Variants in ANKFN1 observed in about 807,000 individuals in gnomAD.
ANKFN1 encodes the protein ankyrin repeat and fibronectin type-III domain-containing protein 1.
ANKFN1 carries 74 observed loss-of-function variants against 108.7 expected under a neutral mutation model. That is an observed-to-expected ratio of 0.68 (90% CI 0.56 to 0.83). The LOEUF is 0.83. Ranked by LOEUF, ANKFN1 falls within the 40% of genes least tolerant of loss-of-function variation. ANKFN1 has a pLI of 0.00. For missense variants in ANKFN1, 1,505 were observed against 1,382.3 expected, an observed-to-expected ratio of 1.09 and a Z score of -1.41; for synonymous variants, 547 against 516.2, an observed-to-expected ratio of 1.06 and a Z score of -0.81.
chr17:56,072,902 T>C (rs1780735241), intron 4 of ANKFN1, among the ~76,000 whole-genome samples: 1 of 152,222 alleles, frequency 6.6e-6, no homozygotes, highest in Non-Finnish European at 1.5e-5. Flanking sequence ...AAATGTATCC[T>C]GGCCAGGACC....
chr17:56,193,575 C>T lies in ANKFN1; in HGVS notation c.-70-19023C>T, dbSNP rs144576056. ...GTAAAAGTGCATAATTTATTTGTAG[C>T]GTTTTAAAAAAAAAAAAAAGAATCT... On this transcript the variant is annotated intron_variant, in intron 1 of 20. Transcript: ENST00000682825. 8.8e-3 allele frequency among the ~76,000 whole-genome samples: 1,298 copies of T among 147,982 alleles called. 8 individuals carry two copies. Among genetic ancestry groups the T allele is most frequent in the Non-Finnish European group, 0.015 (982 of 67,352 alleles).
intron 8 of ANKFN1, among the ~76,000 whole-genome samples, chr17:56,438,710 C>T (rs568436529): frequency 1.8e-4 from 27 of 152,168 alleles, no homozygotes; most frequent in Middle Eastern, 6.8e-3. Context: ...TAGGAGCATG[C>T]CACCACTCGG....
intron 3 of ANKFN1, among the ~76,000 whole-genome samples, chr17:56,302,371 A>G (rs890107154): frequency 1.3e-4 from 20 of 152,008 alleles, no homozygotes; most frequent in African/African-American, 3.9e-4. Flanking sequence ...CAAAAAATTA[A>G]AAACTTAGCC....
At chr17:56,388,547 CTATTTT>C (rs2047340250) in intron 8 of ANKFN1, among the ~76,000 whole-genome samples, 1 of 152,164 alleles carries the variant, frequency 6.6e-6, no homozygotes, top group Non-Finnish European at 1.5e-5. Flanking sequence ...AGCTATATTT[CTATTTT>C]TAATTGCCAA....
chr17:56,335,515 CTGTT>C (rs1567922802), intron 4 of ANKFN1, among the ~76,000 whole-genome samples: 1 of 151,892 alleles, frequency 6.6e-6, no homozygotes, highest in East Asian at 1.9e-4. Context: ...ATTTGGCTCT[CTGTT>C]TGTTATTGGT....
At chr17:56,468,132 TC>T (rs1212038201) in intron 15 of ANKFN1, among the ~76,000 whole-genome samples, 1 of 152,232 alleles carries the variant, frequency 6.6e-6, no homozygotes, top group Non-Finnish European at 1.5e-5. Flanking sequence ...AGGCTTCAGT[TC>T]AGATCTTCTG....
chr17:56,502,869 G>A (rs991647258), intron 20 of ANKFN1, among the ~76,000 whole-genome samples: 1 of 152,266 alleles, frequency 6.6e-6, no homozygotes. Context: ...ATCTTGAATT[G>A]GTTTGTGTAT....
At chr17:56,324,903 C>A (rs1010572636) in intron 3 of ANKFN1, among the ~76,000 whole-genome samples, 2 of 152,236 alleles carry the variant, frequency 1.3e-5, no homozygotes, top group Non-Finnish European at 2.9e-5. Context: ...CAGATCGGAA[C>A]TCCAGAACAG....
At chr17:56,051,902 G>C (rs1904783042) in intron 4 of ANKFN1, among the ~76,000 whole-genome samples, 2 of 150,376 alleles carry the variant, frequency 1.3e-5, no homozygotes, top group African/African-American at 4.9e-5. Context: ...ACAAACCACT[G>C]CTCAAAGAAA....
At chr17:56,373,701 A>G (rs1020765808) in intron 7 of ANKFN1, among the ~76,000 whole-genome samples, 20 of 152,224 alleles carry the variant, frequency 1.3e-4, no homozygotes, top group African/African-American at 4.8e-4. Flanking sequence ...CTTGGAGCAA[A>G]TAACTTAGCA....
intron 4 of ANKFN1, among the ~76,000 whole-genome samples, chr17:56,133,234 A>G (rs1907388641): frequency 6.6e-6 from 1 of 152,188 alleles, no homozygotes; most frequent in Non-Finnish European, 1.5e-5. Flanking sequence ...TGAAAAAACA[A>G]GAAATAGCCT....
chr17:56,108,956 C>T (rs1287342885), intron 4 of ANKFN1, among the ~76,000 whole-genome samples: 1 of 152,176 alleles, frequency 6.6e-6, no homozygotes, highest in Admixed American at 6.5e-5. Flanking sequence ...CCCCTGAGGT[C>T]TGTGAACAGG....
At chr17:56,299,171 G>T (rs990797696) in intron 3 of ANKFN1, among the ~76,000 whole-genome samples, 3 of 152,196 alleles carry the variant, frequency 2.0e-5, no homozygotes, top group Non-Finnish European at 2.9e-5. Context: ...AGATGAAATT[G>T]CCTGAGCTAT....
intron 4 of ANKFN1, among the ~76,000 whole-genome samples, chr17:56,331,210 T>A (rs1673840025): frequency 6.6e-6 from 1 of 152,182 alleles, no homozygotes; most frequent in South Asian, 2.1e-4. Context: ...TAATTCCATA[T>A]GCATGGGAAC....
At chr17:56,108,586 G>C (rs529397650) in intron 4 of ANKFN1, among the ~76,000 whole-genome samples, 3 of 152,184 alleles carry the variant, frequency 2.0e-5, no homozygotes, top group Non-Finnish European at 4.4e-5. Context: ...CTAAGTCACG[G>C]AGAGGTTAAG....
chr17:56,182,170 T>C (rs1341869911), intron 1 of ANKFN1, among the ~76,000 whole-genome samples: 6 of 152,082 alleles, frequency 3.9e-5, no homozygotes, highest in African/African-American at 1.4e-4. Context: ...TAACCCTACA[T>C]TGGTCTGTTA....
chr17:56,289,430 G>C (rs2044302095), intron 3 of ANKFN1, among the ~76,000 whole-genome samples: 1 of 152,122 alleles, frequency 6.6e-6, no homozygotes, highest in African/African-American at 2.4e-5. Context: ...AAACCCAAGG[G>C]ATACTTAAAA....
chr17:56,139,014 C>G (rs1247892238), intron 4 of ANKFN1, among the ~76,000 whole-genome samples: 1 of 152,270 alleles, frequency 6.6e-6, no homozygotes, highest in Admixed American at 6.5e-5. Flanking sequence ...TATTATTAAT[C>G]TATCAGATGA....
intron 3 of ANKFN1, among the ~76,000 whole-genome samples, chr17:56,266,862 A>C (rs1054466203): frequency 2.0e-5 from 3 of 152,056 alleles, no homozygotes; most frequent in African/African-American, 7.2e-5. Flanking sequence ...CAGCCACAAA[A>C]CTCAAGAGTG....
Sources: allele counts gnomAD v4.1 joint callset (sites outside exome capture counted in the v4.1 genomes callset), GRCh38; gene constraint gnomAD v4.1.1; transcripts MANE v1.5; gene names NCBI Gene and HGNC (gene_info 2026-07-23, HGNC 2026-07-21).